Variants in TLE4 observed in about 807,000 individuals in gnomAD.
The protein encoded by TLE4 is transducin-like enhancer protein 4.
A neutral mutation model predicts 92.8 loss-of-function variants in TLE4; 8 were observed. That is an observed-to-expected ratio of 0.09 (90% CI 0.05 to 0.16). The LOEUF is 0.16. Ranked by LOEUF, TLE4 falls within the 10% of genes least tolerant of loss-of-function variation. TLE4 has a pLI of 1.00. For synonymous variants in TLE4, 371 were observed against 374.1 expected (o/e 0.99, Z 0.10); for missense variants, 675 against 997.6 (o/e 0.68, Z 4.36).
intron 4 of TLE4, among the ~76,000 whole-genome samples, chr9:79,581,994 TC>T (rs1016574240): frequency 6.6e-6 from 1 of 152,156 alleles, no homozygotes; most frequent in Non-Finnish European, 1.5e-5. Context: ...GGAATTTGCT[TC>T]CTCCCTAGGC....
chr9:79,593,588 G>T (rs961566113), intron 4 of TLE4, among the ~76,000 whole-genome samples: 4 of 152,010 alleles, frequency 2.6e-5, no homozygotes, highest in Non-Finnish European at 2.9e-5. Context: ...TTGTATTTTT[G>T]CTAAAAACAT....
Position 79,666,222 on chromosome 9 carries a change from T to TG in TLE4, c.609+12147_609+12148insG, listed in dbSNP as rs1362573590. ...GGGTGGGGTTTTTTTTTTTTGTTTTTTTTTTTTTTTTTTTTTTGAGAAGGA... is the reference window on the plus strand; with the variant it reads ...GGGTGGGGTTTTTTTTTTTTGTTTTTGTTTTTTTTTTTTTTTTTGAGAAGGA... On this transcript the variant is annotated intron_variant, in intron 8 of 19. Coordinates refer to ENST00000376552, the MANE Select transcript of TLE4 (RefSeq NM_007005.6). 1.7e-3 allele frequency among the ~76,000 whole-genome samples: 92 copies of TG among 54,046 alleles called. 1 individual carries two copies. The highest frequency in any genetic ancestry group is 3.5e-3 in the African/African-American group (74 of 21,272). 35.5% of individuals were successfully genotyped at this position (54,046 alleles called of 152,430 possible). A position where few individuals can be genotyped will look rare whatever the true frequency, so the allele number is the denominator to read the frequency against.
chr9:79,577,347 A>C (rs1264796040), intron 4 of TLE4, among the ~76,000 whole-genome samples: 1 of 152,196 alleles, frequency 6.6e-6, no homozygotes, highest in Non-Finnish European at 1.5e-5. Flanking sequence ...ATTGGAAAAC[A>C]AAAAGTTGGA....
intron 8 of TLE4, among the ~76,000 whole-genome samples, chr9:79,676,623 G>A (rs1399876454): frequency 6.6e-6 from 1 of 152,070 alleles, no homozygotes; most frequent in East Asian, 1.9e-4. Flanking sequence ...TGTGGAAAGA[G>A]AGAAAAGCCA....
intron 9 of TLE4, among the ~76,000 whole-genome samples, chr9:79,705,109 A>G (rs1456118617): frequency 6.6e-6 from 1 of 152,256 alleles, no homozygotes; most frequent in South Asian, 2.1e-4. Flanking sequence ...AGAATGCTTC[A>G]TTGGGCAGCT....
chr9:79,663,045 T>TGGGTGG (rs57059626), intron 8 of TLE4, among the ~76,000 whole-genome samples: 18 of 109,950 alleles, frequency 1.6e-4, no homozygotes, highest in East Asian at 1.2e-3. Context: ...CCTCCCAACC[T>TGGGTGG]GGGTGGGGGT....
chr9:79,636,111 CCTT>C (rs1013108668), intron 6 of TLE4, among the ~76,000 whole-genome samples: 1 of 152,102 alleles, frequency 6.6e-6, no homozygotes, highest in East Asian at 1.9e-4. Context: ...GCCAGAGTGA[CCTT>C]CTTATAAAAT....
chr9:79,682,929 A>G (rs1388504313), intron 8 of TLE4, among the ~76,000 whole-genome samples: 1 of 152,258 alleles, frequency 6.6e-6, no homozygotes, highest in Non-Finnish European at 1.5e-5. Context: ...AATACACTAC[A>G]TTCTCCTGCT....
At chr9:79,707,125 G>C in intron 11 of TLE4, 1 of 1,612,956 alleles carries the variant, frequency 6.2e-7, no homozygotes, top group Non-Finnish European at 8.5e-7. Flanking sequence ...AAGGATAGAA[G>C]AGGGATATGG....
At chr9:79,595,645 TAAG>T (rs1366396563) in intron 4 of TLE4, among the ~76,000 whole-genome samples, 1 of 152,092 alleles carries the variant, frequency 6.6e-6, no homozygotes, top group Non-Finnish European at 1.5e-5. Context: ...AGGTTAAAGA[TAAG>T]AATCAAATTC....
In TLE4 at chr9:79,587,810, C is replaced by T. The variant is rs148126135; in HGVS notation, c.252+11633C>T. ...GTTAACAGATTTTTCATATGTATAT[C>T]TTGGGCAAGTGTTAGTGATAATAAG... On this transcript the variant is annotated intron_variant, in intron 4 of 19. Transcript: ENST00000376552. 4.9e-4 allele frequency among the ~76,000 whole-genome samples: 74 copies of T among 152,312 alleles called. 1 individual carries two copies. The highest frequency in any genetic ancestry group is 1.6e-3 in the Admixed American group (24 of 15,300).
Position 79,695,193 on chromosome 9 carries a change from C to T in TLE4, c.610-9590C>T, listed in dbSNP as rs2067964636. Among the ~76,000 whole-genome samples, 3 of 152,158 alleles carry T rather than the reference C, an allele frequency of 2.0e-5. No individual in the cohort carries two copies. In the South Asian group the frequency reaches 6.2e-4, roughly 32 times the overall value. ...TGGGCACTGACCTTGGGGGAGGGGC[C>T]TGCATCCTTGATTGGTGAGGAGAGC... is the stretch of plus-strand genomic sequence containing the variant. On this transcript the variant is annotated intron_variant, in intron 8 of 19. Coordinates refer to ENST00000376552, the MANE Select transcript of TLE4 (RefSeq NM_007005.6).
intron 4 of TLE4, chr9:79,601,653 G>T (rs1302140965): frequency 2.7e-6 from 1 of 365,244 alleles, no homozygotes; most frequent in East Asian, 7.3e-5. Context: ...TAATTAATGT[G>T]TGTGTTCTGA....
intron 8 of TLE4, among the ~76,000 whole-genome samples, chr9:79,657,312 C>G (rs1277937090): frequency 1.3e-5 from 2 of 152,154 alleles, no homozygotes; most frequent in African/African-American, 4.8e-5. Flanking sequence ...TTTATCTCTC[C>G]AAAAAGAATC....
At chr9:79,613,196 G>GT (rs1305015357) in intron 5 of TLE4, among the ~76,000 whole-genome samples, 1 of 152,094 alleles carries the variant, frequency 6.6e-6, no homozygotes, top group African/African-American at 2.4e-5. Flanking sequence ...TCCTGATTAA[G>GT]TCTTTATATT....
At chr9:79,673,833 ATG>A (rs1362098848) in intron 8 of TLE4, among the ~76,000 whole-genome samples, 1 of 152,168 alleles carries the variant, frequency 6.6e-6, no homozygotes, top group Non-Finnish European at 1.5e-5. Context: ...AATAGAGTAG[ATG>A]GCCATTGCTG....
chr9:79,623,433 GA>G (rs1022872614), intron 5 of TLE4, among the ~76,000 whole-genome samples: 1 of 151,962 alleles, frequency 6.6e-6, no homozygotes, highest in Non-Finnish European at 1.5e-5. Context: ...GTTTCTTATA[GA>G]AAAAATATAT....
chr9:79,668,915 A>G, intron 8 of TLE4: 9 of 784,684 alleles, frequency 1.1e-5, no homozygotes, highest in Non-Finnish European at 1.4e-5. Context: ...TAATGCTGGC[A>G]TTTTATTCAT....
chr9:79,661,184 A>G (rs2060483153), intron 8 of TLE4, among the ~76,000 whole-genome samples: 1 of 152,222 alleles, frequency 6.6e-6, no homozygotes, highest in Admixed American at 6.5e-5. Context: ...CAAAATGTAG[A>G]TAATTCTTCC....
Sources: allele counts gnomAD v4.1 joint callset (sites outside exome capture counted in the v4.1 genomes callset), GRCh38; gene constraint gnomAD v4.1.1; transcripts MANE v1.5; gene names NCBI Gene and HGNC (gene_info 2026-07-23, HGNC 2026-07-21).